RUFY4: variants seen among roughly 807,000 people sequenced by gnomAD.
RUFY4 encodes the protein RUN and FYVE domain containing 4.
Under a neutral mutation model 69.0 loss-of-function variants are expected in RUFY4, and 73 were observed. The ratio of observed to expected loss-of-function variants is 1.06; its 90% CI spans 0.88 to 1.29. The LOEUF (loss-of-function observed/expected upper bound fraction) is 1.29. Ranked by LOEUF, RUFY4 falls within the 50% of genes most tolerant of loss-of-function variation. RUFY4 has a pLI of 0.00. For synonymous variants in RUFY4, 287 were observed against 271.8 expected (o/e 1.06, Z -0.55); for missense variants, 770 against 705.6 (o/e 1.09, Z -1.03).
At chr2:218,090,402 C>T (rs1235420962) in exon 11 of RUFY4, 1 of 246,322 alleles carries the variant, frequency 4.1e-6, no homozygotes, top group East Asian at 8.9e-5. Context: ...TCCACACTCC[C>T]CACTCACCCA....
intron 3 of RUFY4, among the ~76,000 whole-genome samples, chr2:218,061,688 A>G (rs1689197217): frequency 6.6e-6 from 1 of 152,216 alleles, no homozygotes; most frequent in South Asian, 2.1e-4. Flanking sequence ...TTCCCATGAC[A>G]TCACAGTCTC....
In RUFY4 at chr2:218,036,424, C is replaced by T. The variant is rs181063456; in HGVS notation, c.-1158+1030C>T. Among the ~76,000 whole-genome samples the T allele has an allele frequency of 4.0e-5, 6 of 150,316 alleles. No individual in the cohort carries two copies. The East Asian group carries it at 5.8e-4, about 15-fold the overall frequency. Reference sequence around the variant, plus strand: ...AGGAATCACATTATCTAGCATCCTACGACTGGGTTAAATTAAAACAGGGGG... The same window carrying T: ...AGGAATCACATTATCTAGCATCCTATGACTGGGTTAAATTAAAACAGGGGG... On this transcript the variant is annotated intron_variant and NMD_transcript_variant, in intron 2 of 13. Transcript: ENST00000457754.
At position 218,073,836 on chromosome 2, in the gene RUFY4, C is replaced by T. The variant is rs1426494114; in HGVS notation, c.551C>T (p.Thr184Ile). 15 of 1,613,870 alleles carry T rather than the reference C, an allele frequency of 9.3e-6. No homozygotes were observed. The highest frequency in any genetic ancestry group is 1.3e-5 in the Non-Finnish European group (15 of 1,179,906). ...TTCAGGTCACGCTGCTCCAGTTCCACCCAAACCCAGGGAAGGAGACCCAGA... is the reference window on the plus strand; with the variant it reads ...TTCAGGTCACGCTGCTCCAGTTCCATCCAAACCCAGGGAAGGAGACCCAGA... Residue 184 changes from threonine to isoleucine, a missense_variant, in exon 6 of 11, where the codon ACC (threonine) becomes ATC (isoleucine). Physicochemically the swap from Thr to Ile is moderately conservative, Grantham distance 89. Coordinates refer to ENST00000344321, the Ensembl canonical transcript of RUFY4.
At chr2:218,067,068 G>A (rs530772808), upstream of RUFY4, among the ~76,000 whole-genome samples, 1 of 152,324 alleles carries the variant, frequency 6.6e-6, no homozygotes, top group Admixed American at 6.5e-5. Flanking sequence ...CCGTCTCTGT[G>A]AGATGAGAGA....
At chr2:218,061,028 G>A (rs566361217) in intron 3 of RUFY4, 33 of 708,248 alleles carry the variant, frequency 4.7e-5, no homozygotes, top group East Asian at 1.2e-4. Context: ...GAATACCACC[G>A]TAGAAGTTGA....
chr2:218,038,199 T>C (rs1317187142), intron 2 of RUFY4, among the ~76,000 whole-genome samples: 1 of 152,128 alleles, frequency 6.6e-6, no homozygotes, highest in East Asian at 1.9e-4. Context: ...ATGAATCTCC[T>C]TGAACACATA....
chr2:218,066,365 G>A (rs1574505157), upstream of RUFY4, among the ~76,000 whole-genome samples: 1 of 151,686 alleles, frequency 6.6e-6, no homozygotes, highest in East Asian at 1.9e-4. Context: ...TGTATTTTTA[G>A]TAGGGACGGG....
At chr2:218,037,257 T>C (rs1958992785) in intron 2 of RUFY4, among the ~76,000 whole-genome samples, 1 of 151,814 alleles carries the variant, frequency 6.6e-6, no homozygotes, top group African/African-American at 2.4e-5. Context: ...GAGGCGGAGG[T>C]TGCAGTGAGT....
rs185526282 is a variant in RUFY4, at chr2:218,072,411, G to C, written c.191G>C (p.Arg64Pro). The change falls in exon 3 of 11, where the codon CGG becomes CCG. Residue 64 changes from arginine (R) to proline (P), a missense_variant. Arg to Pro is a moderately radical substitution (Grantham distance 103). Coordinates refer to ENST00000344321, the Ensembl canonical transcript of RUFY4. ...GAGCAGAAGAGCTTCCTGGGGCCTC[G>C]GAAGGATTACTGGGACTTTCTCTGC... The C allele has an allele frequency of 9.5e-5, 146 of 1,537,390 alleles. No homozygotes were observed. The African/African-American group carries it at 1.7e-3, about 18-fold the overall frequency.
At chr2:218,074,190 C>T (rs1689568777) in intron 6 of RUFY4, among the ~76,000 whole-genome samples, 1 of 152,154 alleles carries the variant, frequency 6.6e-6, no homozygotes, top group South Asian at 2.1e-4. Context: ...CTTCAGGAAA[C>T]AGATGAGAGG....
chr2:218,086,470 T>C (rs894634169), intron 9 of RUFY4, among the ~76,000 whole-genome samples: 7 of 152,208 alleles, frequency 4.6e-5, no homozygotes, highest in Non-Finnish European at 8.8e-5. Context: ...ACAGATCACC[T>C]ATAAAAGAAG....
Position 218,078,106 on chromosome 2 carries a change from G to T in RUFY4, c.1355+1573G>T, listed in dbSNP as rs189853376. ...GGAAATCCTCTCACAGACAAAACAGGCCAAACGCCTGCCCTCATGGAGCTT... is the reference window on the plus strand; with the variant it reads ...GGAAATCCTCTCACAGACAAAACAGTCCAAACGCCTGCCCTCATGGAGCTT... On this transcript the variant is annotated intron_variant, in intron 8 of 10. Coordinates refer to ENST00000344321, the Ensembl canonical transcript of RUFY4. 5.3e-5 allele frequency among the ~76,000 whole-genome samples: 8 copies of T among 152,320 alleles called. No homozygotes were observed. The South Asian group carries it at 1.7e-3, about 32-fold the overall frequency.
intron 2 of RUFY4, among the ~76,000 whole-genome samples, chr2:218,044,344 T>C (rs1688776625): frequency 6.6e-6 from 1 of 152,260 alleles, no homozygotes; most frequent in Non-Finnish European, 1.5e-5. Flanking sequence ...CTATATATGC[T>C]ATAAAATATG....
intron 2 of RUFY4, among the ~76,000 whole-genome samples, chr2:218,051,862 A>G (rs1688951080): frequency 6.6e-6 from 1 of 152,160 alleles, no homozygotes; most frequent in Non-Finnish European, 1.5e-5. Context: ...AACAACAAAA[A>G]CTACAGGAGG....
intron 2 of RUFY4, among the ~76,000 whole-genome samples, chr2:218,036,908 A>C (rs1958987954): frequency 6.6e-6 from 1 of 152,252 alleles, no homozygotes; most frequent in South Asian, 2.1e-4. Context: ...TAAGTTGCCC[A>C]GCTCCAGCTT....
At chr2:218,089,663 C>T in intron 10 of RUFY4, 1 of 702,912 alleles carries the variant, frequency 1.4e-6, no homozygotes, top group East Asian at 2.7e-5. Context: ...TAAGCTGCTC[C>T]CCCTCCTTCC....
chr2:218,070,029 C>T (rs563012436), upstream of RUFY4, among the ~76,000 whole-genome samples: 174 of 152,312 alleles, frequency 1.1e-3, 5 homozygotes, highest in South Asian at 0.035. Context: ...ACATATTTTC[C>T]ATTCAGCTGG....
chr2:218,045,446 A>C (rs1032381053), intron 2 of RUFY4, among the ~76,000 whole-genome samples: 1 of 152,210 alleles, frequency 6.6e-6, no homozygotes, highest in African/African-American at 2.4e-5. Context: ...TCTATTTACA[A>C]AGTACATTTT....
chr2:218,075,673 A>C (rs77844068), exon 7 of RUFY4: 5 of 1,492,570 alleles, frequency 3.3e-6, no homozygotes, highest in Middle Eastern at 2.2e-4. Context: ...CCACAAGTGC[A>C]AACAGAAGTG....
Sources: gnomAD v4.1 joint callset for allele counts (sites outside exome capture counted in the v4.1 genomes callset) on GRCh38, gnomAD v4.1.1 for gene constraint, MANE v1.5 for transcripts, NCBI Gene and HGNC (gene_info 2026-07-23, HGNC 2026-07-21) for gene names.